Variants in KCNH2 observed in about 807,000 individuals in gnomAD.
KCNH2 encodes the protein potassium voltage-gated channel subfamily H member 2.
KCNH2 carries 35 observed loss-of-function variants against 95.9 expected under a neutral mutation model. The observed-to-expected ratio is 0.37, with a 90% confidence interval of 0.28 to 0.48. The LOEUF is 0.48. Ranked by LOEUF, KCNH2 falls within the 20% of genes least tolerant of loss-of-function variation. KCNH2 has a pLI of 0.99. For synonymous variants in KCNH2, 786 were observed against 754.7 expected, an observed-to-expected ratio of 1.04 and a Z score of -0.68; for missense variants, 1,274 against 1,702.9, an observed-to-expected ratio of 0.75 and a Z score of 4.43.
intron 11 of KCNH2, among the ~76,000 whole-genome samples, 194 bp downstream of exon 11, chr7:150,948,250 C>T (rs1469760993): frequency 1.3e-5 from 2 of 152,178 alleles, no homozygotes; most frequent in African/African-American, 4.8e-5. Flanking sequence ...AAGAGGGCTT[C>T]CTGGAGGAGG....
intron 3 of KCNH2, among the ~76,000 whole-genome samples, chr7:150,959,305 A>G (rs1474472554): frequency 6.6e-6 from 1 of 152,184 alleles, no homozygotes; most frequent in African/African-American, 2.4e-5. Context: ...GGGAAGCCCA[A>G]CAGATGAAGC....
At chr7:150,972,771 C>T (rs1458219134) in intron 2 of KCNH2, among the ~76,000 whole-genome samples, 1 of 152,224 alleles carries the variant, frequency 6.6e-6, no homozygotes, top group Non-Finnish European at 1.5e-5. Context: ...GTCCTTCCAC[C>T]TGCAAGTCGA....
intron 5 of KCNH2, chr7:150,955,529 C>A: frequency 6.5e-7 from 1 of 1,534,568 alleles, no homozygotes; most frequent in Non-Finnish European, 8.8e-7. Flanking sequence ...CTGCAGCCTG[C>A]CTGCCCTGGG....
chr7:150,948,436 C>CT lies in KCNH2; in HGVS notation c.2692+7_2692+8insA. On this transcript the variant is annotated splice_region_variant and intron_variant, in intron 11 of 14. Transcript: ENST00000262186. ...CGCCCTCCCCCTTCCTCCCCTCCCC[C>CT]GCCTCACCCTTGTCCGTGCGCCTGC... 6.3e-7 allele frequency: 1 copy of CT among 1,583,292 alleles called. No individual in the cohort carries two copies.
At chr7:150,977,329 G>A (rs1383535608) in intron 1 of KCNH2, among the ~76,000 whole-genome samples, 2 of 152,080 alleles carry the variant, frequency 1.3e-5, no homozygotes, top group African/African-American at 4.8e-5. Context: ...ATGGGCTCAG[G>A]GTTATATACA....
chr7:150,963,151 C>T (rs4725386), intron 2 of KCNH2, among the ~76,000 whole-genome samples: 29,368 of 152,184 alleles, frequency 0.19, 3,210 homozygotes, highest in Non-Finnish European at 0.25. Flanking sequence ...AGAGCCACTC[C>T]GTGGCAGGCA....
chr7:150,973,684 A>C (rs3778871), intron 2 of KCNH2, among the ~76,000 whole-genome samples: 30,029 of 152,150 alleles, frequency 0.2, 3,972 homozygotes, highest in East Asian at 0.37. Context: ...TTGCAGGGCC[A>C]CCCCAGCCAA....
At chr7:150,950,144 C>CCGGGGGGGGGGGGGGGG in intron 9 of KCNH2, 24 bp downstream of exon 9, 2 of 1,589,018 alleles carry the variant, frequency 1.3e-6, no homozygotes, top group Non-Finnish European at 1.7e-6. Flanking sequence ...ATTTCCAGTC[C>CCGGGGGGGGGGGGGGGG]AGTGCCCGCC....
In KCNH2 at chr7:150,948,445, C is replaced by CG. The variant is rs762305602; in HGVS notation, c.2690_2691insC (p.Lys897AsnfsTer23). On this transcript the variant is annotated frameshift_variant and splice_region_variant, in exon 11 of 15. Coordinates refer to ENST00000262186, the MANE Select transcript of KCNH2 (RefSeq NM_000238.4). LOFTEE classifies it high-confidence loss of function. ...CCTTCCTCCCCTCCCCCGCCTCACCCTTGTCCGTGCGCCTGCGGAAGGACA... is the reference window on the plus strand; with the variant it reads ...CCTTCCTCCCCTCCCCCGCCTCACCCGTTGTCCGTGCGCCTGCGGAAGGACA... The CG allele has an allele frequency of 1.5e-5, 24 of 1,602,392 alleles. No homozygotes were observed. The Middle Eastern group carries it at 6.6e-4, about 44-fold the overall frequency.
intron 2 of KCNH2, among the ~76,000 whole-genome samples, chr7:150,972,173 C>T (rs1343101672): frequency 6.6e-6 from 1 of 152,240 alleles, no homozygotes; most frequent in Non-Finnish European, 1.5e-5. Flanking sequence ...GGCTCCAGGC[C>T]CTGACACTGC....
At position 150,961,737 on chromosome 7, in the gene KCNH2, G is replaced by A. The variant is rs947312904; in HGVS notation, c.308-2001C>T. The stretch of plus-strand genomic sequence containing the variant: ...CAGACACCGGCAACCTGGAGGCGAC[G>A]CCACCCCTGGGACTTGGAGCTGGTG... On this transcript the variant is annotated intron_variant, in intron 2 of 14. Coordinates refer to ENST00000262186, the MANE Select transcript of KCNH2 (RefSeq NM_000238.4). The surrounding 1 kb of genome is among the most constrained non-coding windows in gnomAD (Gnocchi z 6.2). 4.6e-5 allele frequency among the ~76,000 whole-genome samples: 7 copies of A among 152,144 alleles called. No individual in the cohort carries two copies. Among genetic ancestry groups the A allele is most frequent in the African/African-American group, 9.7e-5 (4 of 41,414 alleles).
At chr7:150,973,568 C>G (rs1284733115) in intron 2 of KCNH2, among the ~76,000 whole-genome samples, 1 of 152,350 alleles carries the variant, frequency 6.6e-6, no homozygotes, top group African/African-American at 2.4e-5. Context: ...TTGCTGTGAG[C>G]GAACCTTCTT....
chr7:150,965,200 C>T (rs1408748592), intron 2 of KCNH2, among the ~76,000 whole-genome samples: 3 of 152,102 alleles, frequency 2.0e-5, no homozygotes, highest in African/African-American at 4.8e-5. Context: ...TCCAGACAGA[C>T]TCCTCCACCA....
intron 7 of KCNH2, 77 bp from the exon 8 acceptor site, chr7:150,951,197 C>A (rs538413875): frequency 1.5e-6 from 2 of 1,300,638 alleles, no homozygotes; most frequent in African/African-American, 1.5e-5. Flanking sequence ...TCAGGCCCCG[C>A]ACCAGGTCAG....
chr7:150,947,965 G>A (rs931732946), intron 11 of KCNH2, 87 bp from the exon 12 acceptor site: 20 of 1,416,870 alleles, frequency 1.4e-5, no homozygotes, highest in South Asian at 5.6e-5. Context: ...GAGCGAGCCC[G>A]AGAGAGGACT....
rs765525458 is a variant in KCNH2 at position 150,947,520 on chromosome 7, G to A, written c.2966-6C>T. On this transcript the variant is annotated splice_region_variant and splice_polypyrimidine_tract_variant and intron_variant, in intron 12 of 14. Coordinates refer to ENST00000262186, the MANE Select transcript of KCNH2 (RefSeq NM_000238.4). ...GGACACTCCTGAGAAGGCGCCTGCAGCCAGAGAGCAGAGCTGGGTGAGCGG... is the reference window on the plus strand; with the variant it reads ...GGACACTCCTGAGAAGGCGCCTGCAACCAGAGAGCAGAGCTGGGTGAGCGG... 6.3e-7 allele frequency: 1 copy of A among 1,596,704 alleles called. No homozygotes were observed. The highest frequency in any genetic ancestry group is 1.1e-5 in the South Asian group (1 of 88,456).
At chr7:150,965,720 CTG>C (rs979661418) in intron 2 of KCNH2, among the ~76,000 whole-genome samples, 2 of 152,236 alleles carry the variant, frequency 1.3e-5, no homozygotes, top group Non-Finnish European at 2.9e-5. Context: ...TAGAAGGCCA[CTG>C]TACACTGGCC....
intron 10 of KCNH2, 70 bp downstream of exon 10, chr7:150,948,786 C>T (rs1430875454): frequency 1.4e-6 from 2 of 1,406,070 alleles, no homozygotes; most frequent in African/African-American, 1.4e-5. Context: ...CATTCAATGT[C>T]ACACAGCAAA....
chr7:150,945,490 C>G lies in KCNH2; in HGVS notation c.3355G>C (p.Glu1119Gln), dbSNP rs199473033. 5.1e-6 allele frequency: 8 copies of G among 1,559,152 alleles called. No individual in the cohort carries two copies. Among genetic ancestry groups the G allele is most frequent in the Non-Finnish European group, 6.9e-6 (8 of 1,151,796 alleles). ...AGCTCTGGGGCCCCCGGGGGCAGCT[C>G]CTCACACGCCATGAACTGGGAAACC... ...SQVSQFMACE[E>Q]LPPGAPELPQ... Residue 1119 changes from glutamate (E) to glutamine (Q), a missense_variant, in exon 15 of 15, where the codon GAG (glutamate) becomes CAG (glutamine). By Grantham distance (29) the Glu-to-Gln change is conservative (BLOSUM62 2). This residue lies in a region of KCNH2 where 457 missense variants were observed against 416.1 expected (regional missense o/e 1.10). Coordinates refer to ENST00000262186, the MANE Select transcript of KCNH2 (RefSeq NM_000238.4). This position sits in a 1 kb window ranked among gnomAD's most constrained non-coding sequence, Gnocchi z 5.6.
Sources: gnomAD v4.1 joint callset for allele counts (sites outside exome capture counted in the v4.1 genomes callset) on GRCh38, gnomAD v4.1.1 for gene constraint, gnomAD v4.1.1 regional missense constraint, Gnocchi (gnomAD v3.1) non-coding constraint, MANE v1.5 for transcripts, NCBI Gene and HGNC (gene_info 2026-07-23, HGNC 2026-07-21) for gene names.